DCAF1: variants seen among roughly 807,000 people sequenced by gnomAD.
The protein encoded by DCAF1 is DDB1 and CUL4 associated factor 1.
Under a neutral mutation model 128.0 loss-of-function variants are expected in DCAF1, and 15 were observed. That is an observed-to-expected ratio of 0.12 (90% CI 0.08 to 0.18). The LOEUF is 0.18. Ranked by LOEUF, DCAF1 falls within the 10% of genes least tolerant of loss-of-function variation. The pLI is 1.00. For synonymous variants in DCAF1, 610 were observed against 603.0 expected (o/e 1.01, Z -0.17); for missense variants, 988 against 1,649.5 (o/e 0.60, Z 6.95).
chr3:51,484,329 T>C (rs1553654298), intron 2 of DCAF1, among the ~76,000 whole-genome samples: 1 of 151,660 alleles, frequency 6.6e-6, no homozygotes, highest in African/African-American at 2.4e-5. Flanking sequence ...AAAAATTATC[T>C]GGACATGGTG....
chr3:51,398,643 TGAA>T lies in DCAF1; in HGVS notation c.*123_*125del. The stretch of plus-strand genomic sequence containing the variant: ...TGAGGCTCTCTAAGCCATAATCTTC[TGAA>T]TGCAGGGCATGCAGCTCCTTAAAAG... On this transcript the variant is annotated 3_prime_UTR_variant, in exon 25 of 25. Coordinates refer to ENST00000684031, the MANE Select transcript of DCAF1 (RefSeq NM_001387579.1). The T allele has an allele frequency of 1.5e-6, 2 of 1,299,716 alleles. No homozygotes were observed. 80.5% of individuals were successfully genotyped at this position (1,299,716 alleles called of 1,614,324 possible). A position where few individuals can be genotyped will look rare whatever the true frequency, so the allele number is the denominator to read the frequency against.
At chr3:51,402,566 A>ATTTTTTTTTTT (rs540396047) in intron 24 of DCAF1, among the ~76,000 whole-genome samples, 16 of 84,984 alleles carry the variant, frequency 1.9e-4, no homozygotes, top group Admixed American at 5.6e-4. Context: ...CCTACAAAGC[A>ATTTTTTTTTTT]TTTTTTTTTT....
intron 9 of DCAF1, chr3:51,438,119 G>C: frequency 2.4e-6 from 1 of 424,580 alleles, no homozygotes; most frequent in South Asian, 1.8e-5. Context: ...AAAGTTTGGT[G>C]TGGTTATGCA....
chr3:51,455,631 G>A (rs1702813711), intron 6 of DCAF1, among the ~76,000 whole-genome samples: 1 of 151,120 alleles, frequency 6.6e-6, no homozygotes, highest in African/African-American at 2.4e-5. Context: ...GGGCGCGGTG[G>A]CTCACACCTG....
chr3:51,483,614 T>TG (rs1706537455), intron 3 of DCAF1, 105 bp downstream of exon 3: 1 of 695,924 alleles, frequency 1.4e-6, no homozygotes, highest in East Asian at 2.7e-5. Flanking sequence ...CTAGTTTGTG[T>TG]GTGTGTGTGT....
intron 6 of DCAF1, among the ~76,000 whole-genome samples, chr3:51,449,857 C>T (rs1273052725): frequency 1.3e-5 from 2 of 152,042 alleles, no homozygotes; most frequent in Non-Finnish European, 2.9e-5. Flanking sequence ...TAAGAGAATA[C>T]CATATACAAT....
chr3:51,463,218 C>A lies in DCAF1; in HGVS notation c.271G>T (p.Ala91Ser). ...NDDFMNALVN[A>S]YVMTSREPPL... ...GGCTCTCGGCTTGTCATCACATATG[C>A]ATTCACCAGCTGTAAAGAAAAAAAA... The change falls in exon 6 of 25, where the codon GCA becomes TCA. Residue 91 changes from alanine (A) to serine (S), a missense_variant. By Grantham distance (99) the Ala-to-Ser change is moderately conservative. This residue lies in a region of DCAF1 where 210 missense variants were observed against 260.2 expected (regional missense o/e 0.81). Coordinates refer to ENST00000684031, the MANE Select transcript of DCAF1 (RefSeq NM_001387579.1). 6.4e-7 allele frequency: 1 copy of A among 1,563,422 alleles called. No homozygotes were observed. The highest frequency in any genetic ancestry group is 8.6e-7 in the Non-Finnish European group (1 of 1,156,154).
chr3:51,403,524 C>T, intron 23 of DCAF1, 129 bp from the exon 24 acceptor site: 1 of 1,441,612 alleles, frequency 6.9e-7, no homozygotes, highest in Non-Finnish European at 9.2e-7. Context: ...TAGACGAGCA[C>T]AGACTTCATG....
At chr3:51,419,689 A>G in intron 15 of DCAF1, 45 bp downstream of exon 15, 1 of 1,542,838 alleles carries the variant, frequency 6.5e-7, no homozygotes, top group Non-Finnish European at 8.7e-7. Context: ...TTTAAATAAA[A>G]GAATCATTCC....
chr3:51,487,751 G>C (rs545381794), intron 2 of DCAF1, among the ~76,000 whole-genome samples: 71 of 151,462 alleles, frequency 4.7e-4, no homozygotes, highest in African/African-American at 1.5e-3. Flanking sequence ...ATGTTGCCTA[G>C]GCTGGTCGTG....
chr3:51,493,933 G>A (rs2108556215), intron 2 of DCAF1, among the ~76,000 whole-genome samples: 1 of 151,066 alleles, frequency 6.6e-6, no homozygotes, highest in East Asian at 2.0e-4. Context: ...GGAGGCGGAG[G>A]TTGCAGTGAG....
chr3:51,499,309 T>C (rs1256942077), intron 1 of DCAF1, among the ~76,000 whole-genome samples: 1 of 152,134 alleles, frequency 6.6e-6, no homozygotes, highest in East Asian at 1.9e-4. Context: ...CTTCCCTCTT[T>C]CATGGGGATG....
chr3:51,433,215 G>C lies in DCAF1; in HGVS notation c.1178C>G (p.Ala393Gly). The C allele has an allele frequency of 2.5e-6, 1 of 398,402 alleles. No homozygotes were observed. The highest frequency in any genetic ancestry group is 4.4e-6 in the Non-Finnish European group (1 of 226,038). The allele number at this position is 398,402 out of a possible 1,614,324, so 24.7% of individuals were successfully genotyped here. A position where few individuals can be genotyped will look rare whatever the true frequency, so the allele number is the denominator to read the frequency against. Residue 393 changes from alanine to glycine, a missense_variant, in exon 10 of 25, where the codon GCG becomes GGG. By Grantham distance (60) the Ala-to-Gly change is moderately conservative (BLOSUM62 0). Transcript: ENST00000684031. ...CAGTAATTTCTGTACTCCACCATGC[G>C]CAACAAATTCTGTGGCAAATTTGTT... is the stretch of plus-strand genomic sequence containing the variant. Reference protein sequence around the residue: ...LHNKFATEFVAHGGVQKLLEI... With the variant: ...LHNKFATEFVGHGGVQKLLEI...
At chr3:51,413,477 A>G (rs1553629277) in intron 20 of DCAF1, 91 bp from the exon 21 acceptor site, 16 of 1,506,892 alleles carry the variant, frequency 1.1e-5, no homozygotes. Context: ...AATCAAAACA[A>G]TCTACTTGCA....
chr3:51,417,114 C>T (rs1260343356), intron 17 of DCAF1, among the ~76,000 whole-genome samples: 1 of 152,096 alleles, frequency 6.6e-6, no homozygotes, highest in Non-Finnish European at 1.5e-5. Flanking sequence ...GGCACATGTG[C>T]CTTTGAAACA....
In DCAF1 at chr3:51,469,507, G is replaced by T. The variant is rs138933249; in HGVS notation, c.187+1422C>A. The stretch of plus-strand genomic sequence containing the variant: ...GGCCTCCCAAAGTGCTGAGATTACA[G>T]GCGTGAGCCACAGCGCCAGGCCAAA... On this transcript the variant is annotated intron_variant, in intron 4 of 24. Coordinates refer to ENST00000684031, the MANE Select transcript of DCAF1 (RefSeq NM_001387579.1). 2.3e-3 allele frequency among the ~76,000 whole-genome samples: 348 copies of T among 151,974 alleles called. 3 individuals are homozygous for T. The East Asian group carries it at 0.028, about 12-fold the overall frequency.
intron 3 of DCAF1, among the ~76,000 whole-genome samples, chr3:51,482,338 G>A (rs782694770): frequency 2.0e-5 from 3 of 150,628 alleles, no homozygotes; most frequent in Non-Finnish European, 4.4e-5. Context: ...TCATCTAGTA[G>A]GGAGGCTGAG....
chr3:51,455,993 G>A (rs905268230), intron 6 of DCAF1, among the ~76,000 whole-genome samples: 5 of 152,148 alleles, frequency 3.3e-5, no homozygotes, highest in African/African-American at 4.8e-5. Context: ...CACAGAAGAC[G>A]GGTGATTTCT....
intron 23 of DCAF1, 115 bp from the exon 24 acceptor site, chr3:51,403,510 G>A (rs2089889412): frequency 1.4e-6 from 2 of 1,463,756 alleles, no homozygotes; most frequent in African/African-American, 1.4e-5. Context: ...GGGTAGTAGT[G>A]ATCTAGACGA....
Sources: gnomAD v4.1 joint callset for allele counts (sites outside exome capture counted in the v4.1 genomes callset) on GRCh38, gnomAD v4.1.1 for gene constraint, gnomAD v4.1.1 regional missense constraint, MANE v1.5 for transcripts, NCBI Gene and HGNC (gene_info 2026-07-23, HGNC 2026-07-21) for gene names.